The following SNTG1 variants were observed in gnomAD, a reference collection of about 807,000 sequenced individuals.
The protein encoded by SNTG1 is syntrophin gamma 1, also known as gamma-1-syntrophin.
In SNTG1, 39 loss-of-function variants were observed where a neutral mutation model predicts 74.7. The observed-to-expected ratio is 0.52, with a 90% CI of 0.40 to 0.68. The LOEUF (loss-of-function observed/expected upper bound fraction) is 0.68, where lower values mean the gene tolerates loss of function less well. Among genes scored for constraint, SNTG1 ranks in the 30% least tolerant of loss-of-function variants. The pLI is 0.00. For missense variants in SNTG1, 685 were observed against 609.5 expected (o/e 1.12, Z -1.30); for synonymous variants, 254 against 217.1 (o/e 1.17, Z -1.49).
chr8:50,468,831 G>A (rs913945482), intron 8 of SNTG1, among the ~76,000 whole-genome samples: 5 of 151,980 alleles, frequency 3.3e-5, no homozygotes, highest in African/African-American at 9.7e-5. Context: ...TCCATTATGC[G>A]TTTTTAAAAA....
intron 18 of SNTG1, among the ~76,000 whole-genome samples, chr8:50,764,027 T>C (rs2095607128): frequency 6.6e-6 from 1 of 151,246 alleles, no homozygotes; most frequent in Non-Finnish European, 1.5e-5. Context: ...AGAACCTGTG[T>C]GATTATGATC....
At chr8:50,227,438 A>G (rs779354350) in intron 2 of SNTG1, among the ~76,000 whole-genome samples, 1 of 152,094 alleles carries the variant, frequency 6.6e-6, no homozygotes, top group Non-Finnish European at 1.5e-5. Flanking sequence ...AAGGCAAAAG[A>G]CCACTACAGT....
intron 18 of SNTG1, among the ~76,000 whole-genome samples, chr8:50,781,637 G>A (rs1359215146): frequency 9.9e-5 from 15 of 152,066 alleles, no homozygotes; most frequent in African/African-American, 2.7e-4. Context: ...CAGCACATTG[G>A]TGGGTCTTGA....
chr8:50,311,926 G>A (rs980424058), intron 2 of SNTG1, among the ~76,000 whole-genome samples: 1 of 152,134 alleles, frequency 6.6e-6, no homozygotes, highest in African/African-American at 2.4e-5. Flanking sequence ...TGCATTGTCT[G>A]TTCTCCTGGG....
chr8:50,688,903 C>A (rs7002119), intron 15 of SNTG1, among the ~76,000 whole-genome samples: 4 of 151,516 alleles, frequency 2.6e-5, no homozygotes, highest in Non-Finnish European at 5.9e-5. Flanking sequence ...GGAATGTTCT[C>A]CCATTTGTTT....
chr8:50,736,252 C>A (rs7829079), intron 17 of SNTG1, among the ~76,000 whole-genome samples: 63,269 of 151,652 alleles, frequency 0.42, 15,663 homozygotes, highest in African/African-American at 0.7. Context: ...TAATGACAGG[C>A]TCAAATTCAC....
intron 8 of SNTG1, among the ~76,000 whole-genome samples, chr8:50,499,678 A>G (rs896558059): frequency 2.3e-4 from 34 of 151,042 alleles, no homozygotes; most frequent in African/African-American, 7.8e-4. Context: ...TTTTTTTTAT[A>G]GCTTCCCTAT....
chr8:49,990,832 TA>T (rs1203683975), intron 1 of SNTG1, among the ~76,000 whole-genome samples: 3 of 152,258 alleles, frequency 2.0e-5, no homozygotes, highest in African/African-American at 7.2e-5. Context: ...AAACTACAAA[TA>T]TTATTCTTAG....
intron 1 of SNTG1, among the ~76,000 whole-genome samples, chr8:50,138,194 C>T (rs1420035095): frequency 2.0e-5 from 3 of 152,010 alleles, no homozygotes; most frequent in Non-Finnish European, 4.4e-5. Flanking sequence ...AAGACACTGC[C>T]TCCCAACCCC....
intron 2 of SNTG1, among the ~76,000 whole-genome samples, chr8:50,233,370 CCTT>C (rs1431960636): frequency 6.6e-6 from 1 of 151,370 alleles, no homozygotes; most frequent in Non-Finnish European, 1.5e-5. Context: ...TAAAAGTAAA[CCTT>C]GATTTAAACT....
chr8:50,236,170 CAA>C (rs534551292), intron 2 of SNTG1, among the ~76,000 whole-genome samples: 185 of 152,234 alleles, frequency 1.2e-3, no homozygotes, highest in African/African-American at 4.2e-3. Context: ...CCTAGTCTAA[CAA>C]AGAGTGCCAC....
chr8:50,777,841 A>C (rs1354153842), intron 18 of SNTG1, among the ~76,000 whole-genome samples: 3 of 151,998 alleles, frequency 2.0e-5, no homozygotes, highest in African/African-American at 7.3e-5. Context: ...TCCTAAAGCT[A>C]TCCCTCCCCT....
chr8:50,439,220 A>C (rs979325165), intron 5 of SNTG1, among the ~76,000 whole-genome samples: 4 of 152,134 alleles, frequency 2.6e-5, no homozygotes, highest in African/African-American at 7.2e-5. Context: ...ATAAAGGATA[A>C]ATTTTTAAAG....
chr8:49,978,829 T>A (rs1397536254), intron 1 of SNTG1, among the ~76,000 whole-genome samples: 2 of 152,208 alleles, frequency 1.3e-5, no homozygotes, highest in African/African-American at 4.8e-5. Flanking sequence ...AATGGATGTT[T>A]AAGAAGTTGA....
chr8:49,942,611 A>G (rs1808799191), intron 1 of SNTG1, among the ~76,000 whole-genome samples: 1 of 152,054 alleles, frequency 6.6e-6, no homozygotes, highest in African/African-American at 2.4e-5. Context: ...CTTAGTTATG[A>G]TCATTTCCCA....
chr8:50,217,643 G>A (rs749646321), intron 2 of SNTG1, among the ~76,000 whole-genome samples: 2 of 57,372 alleles, frequency 3.5e-5, no homozygotes, highest in Admixed American at 1.5e-4. Context: ...TATATTAAAG[G>A]TTCCATGGTT....
At chr8:50,381,316 A>G (rs1225809793) in intron 2 of SNTG1, among the ~76,000 whole-genome samples, 1 of 151,898 alleles carries the variant, frequency 6.6e-6, no homozygotes, top group Non-Finnish European at 1.5e-5. Flanking sequence ...TTTATAAACT[A>G]TGTAATTGTT....
chr8:49,941,531 TTA>T (rs34245758), intron 1 of SNTG1, among the ~76,000 whole-genome samples: 17,513 of 146,852 alleles, frequency 0.12, 1,242 homozygotes, highest in South Asian at 0.23. Context: ...ACATTAACTT[TTA>T]TATATATATA....
chr8:50,307,796 G>C (rs527334052), intron 2 of SNTG1, among the ~76,000 whole-genome samples: 1 of 151,580 alleles, frequency 6.6e-6, no homozygotes, highest in Admixed American at 6.6e-5. Flanking sequence ...CTTCATTTTT[G>C]TAGACATCAT....
Sources: allele counts gnomAD v4.1 joint callset (sites outside exome capture counted in the v4.1 genomes callset), GRCh38; gene constraint gnomAD v4.1.1; transcripts MANE v1.5; gene names NCBI Gene and HGNC (gene_info 2026-07-23, HGNC 2026-07-21).